The following EPHB2 variants were observed in gnomAD, a reference collection of about 807,000 sequenced individuals.
EPHB2 encodes the protein EPH receptor B2.
A neutral mutation model predicts 96.4 loss-of-function variants in EPHB2; 18 were observed. The ratio of observed to expected loss-of-function variants is 0.19; its 90% confidence interval spans 0.13 to 0.28. The LOEUF (loss-of-function observed/expected upper bound fraction) is 0.28. EPHB2 is among the 10% of genes least tolerant of loss of function. The pLI is 1.00. For synonymous variants in EPHB2, 506 were observed against 534.1 expected (o/e 0.95, Z 0.72); for missense variants, 989 against 1,355.4 (o/e 0.73, Z 4.25).
At chr1:22,856,951 G>A (rs1362313689) in intron 3 of EPHB2, among the ~76,000 whole-genome samples, 1 of 152,200 alleles carries the variant, frequency 6.6e-6, no homozygotes, top group African/African-American at 2.4e-5. Context: ...CAACCAGGGA[G>A]ATAGACCTGC....
intron 3 of EPHB2, among the ~76,000 whole-genome samples, chr1:22,808,443 C>A (rs12045243): frequency 0.11 from 16,538 of 152,272 alleles, 1,670 homozygotes; most frequent in East Asian, 0.58. Flanking sequence ...CCTTCCCGGG[C>A]ACAGGGCAGA....
intron 5 of EPHB2, among the ~76,000 whole-genome samples, chr1:22,878,496 G>C (rs542154533): frequency 2.0e-5 from 3 of 152,112 alleles, no homozygotes; most frequent in African/African-American, 7.2e-5. Context: ...CCAGCACCCC[G>C]TATCATGTGG....
At chr1:22,812,108 C>T (rs908708315) in intron 3 of EPHB2, among the ~76,000 whole-genome samples, 5 of 152,220 alleles carry the variant, frequency 3.3e-5, no homozygotes, top group African/African-American at 1.2e-4. Context: ...CAGTTCACTT[C>T]TCTGAGCCCC....
intron 1 of EPHB2, among the ~76,000 whole-genome samples, chr1:22,753,615 G>A (rs1049912045): frequency 2.6e-5 from 4 of 152,132 alleles, no homozygotes; most frequent in African/African-American, 7.2e-5. Context: ...CGTGGAGTGC[G>A]GAGTGGGAGG....
chr1:22,814,093 C>T (rs1327190080), intron 3 of EPHB2, among the ~76,000 whole-genome samples: 2 of 152,012 alleles, frequency 1.3e-5, no homozygotes, highest in African/African-American at 2.4e-5. Context: ...ACTCTTGAAC[C>T]TGGGAGGCAG....
rs542332203 is a variant in EPHB2, at chr1:22,856,368, C to A, written c.812-6669C>A. Among the ~76,000 whole-genome samples, 196 of 152,328 alleles carry A rather than the reference C, an allele frequency of 1.3e-3. 3 individuals are homozygous for A. In the South Asian group the frequency reaches 0.028, roughly 22 times the overall value. ...CTCCCTCCTTTCTTCGGCTTGCTGC[C>A]ATCCTGCCCTGGGTTGCCTGGCCAA... On this transcript the variant is annotated intron_variant, in intron 3 of 15. Transcript: ENST00000374630.
Position 22,882,408 on chromosome 1 carries a change from C to T in EPHB2, c.1353C>T (p.Ser451=), listed in dbSNP as rs2148550899. The T allele has an allele frequency of 1.2e-6, 2 of 1,614,218 alleles. No individual in the cohort carries two copies. Among genetic ancestry groups the T allele is most frequent in the Non-Finnish European group, 1.7e-6 (2 of 1,180,034 alleles). The change falls in exon 6 of 16, where the codon AGC becomes AGT. Residue 451 remains serine, a synonymous_variant. Transcript: ENST00000374630. ...ATCAGGTGAGCCGCACCGTGGACAG[C>T]ATTACCCTGTCGTGGTCCCAGCCGG... The part of the protein sequence containing the change: ...IMHQVSRTVD[S]ITLSWSQPDQ...
At chr1:22,820,556 A>C (rs1282370384) in intron 3 of EPHB2, among the ~76,000 whole-genome samples, 1 of 151,668 alleles carries the variant, frequency 6.6e-6, no homozygotes, top group Non-Finnish European at 1.5e-5. Flanking sequence ...CCAACTACTC[A>C]GGAGGCTGAG....
chr1:22,729,525 C>G (rs1410243528), intron 1 of EPHB2, among the ~76,000 whole-genome samples: 1 of 152,206 alleles, frequency 6.6e-6, no homozygotes, highest in Non-Finnish European at 1.5e-5. Flanking sequence ...CCATCACCCA[C>G]CTCAGTCTAG....
chr1:22,806,871 G>C, intron 3 of EPHB2, among the ~76,000 whole-genome samples: 1 of 152,228 alleles, frequency 6.6e-6, no homozygotes, highest in East Asian at 1.9e-4. Context: ...ACAGCTGCGG[G>C]AGCTTTGTGG....
intron 3 of EPHB2, among the ~76,000 whole-genome samples, chr1:22,828,653 C>T (rs182427261): frequency 7.2e-5 from 11 of 152,230 alleles, no homozygotes; most frequent in Admixed American, 4.6e-4. Flanking sequence ...CTGTCACGGC[C>T]ACAGAAATGC....
At chr1:22,788,796 T>C (rs10917298) in intron 3 of EPHB2, among the ~76,000 whole-genome samples, 121,496 of 147,998 alleles carry the variant, frequency 0.82, 51,423 homozygotes, top group Non-Finnish European at 0.92. Flanking sequence ...ACTTTATCAC[T>C]CAGGCTGGAG....
At chr1:22,850,700 G>A (rs900776229) in intron 3 of EPHB2, among the ~76,000 whole-genome samples, 4 of 152,180 alleles carry the variant, frequency 2.6e-5, no homozygotes, top group Admixed American at 6.5e-5. Context: ...ATACTCGATC[G>A]GTCCCCATTT....
intron 3 of EPHB2, among the ~76,000 whole-genome samples, chr1:22,830,240 G>T (rs966323665): frequency 2.0e-5 from 3 of 152,222 alleles, no homozygotes; most frequent in African/African-American, 7.2e-5. Flanking sequence ...TGTCCCCAGA[G>T]GCTGGCATCA....
At chr1:22,793,380 T>C (rs1644722807) in intron 3 of EPHB2, among the ~76,000 whole-genome samples, 6 of 152,074 alleles carry the variant, frequency 3.9e-5, no homozygotes. Flanking sequence ...CTTGGGGTGC[T>C]TAGGAGGGAA....
intron 5 of EPHB2, among the ~76,000 whole-genome samples, chr1:22,876,481 T>C (rs2148542395): frequency 6.6e-6 from 1 of 152,070 alleles, no homozygotes; most frequent in East Asian, 1.9e-4. Flanking sequence ...CCTCTGGGGT[T>C]CACTGAGGGC....
At chr1:22,791,466 TCTTTC>T (rs1644690940) in intron 3 of EPHB2, among the ~76,000 whole-genome samples, 2 of 136,982 alleles carry the variant, frequency 1.5e-5, no homozygotes, top group African/African-American at 5.2e-5. Flanking sequence ...TTTCTTTCTT[TCTTTC>T]TTTTTTTTTT....
intron 5 of EPHB2, among the ~76,000 whole-genome samples, 186 bp from the exon 6 acceptor site, chr1:22,882,173 A>G (rs1048729553): frequency 1.3e-5 from 2 of 152,018 alleles, no homozygotes; most frequent in African/African-American, 4.8e-5. Context: ...CAGCAGCAGC[A>G]CCCATAGCCC....
At chr1:22,812,049 A>T (rs906312623) in intron 3 of EPHB2, among the ~76,000 whole-genome samples, 8 of 152,218 alleles carry the variant, frequency 5.3e-5, no homozygotes, top group Admixed American at 6.5e-5. Context: ...AAAAAACGAA[A>T]TAAAAACCCC....
Sources: allele counts gnomAD v4.1 joint callset (sites outside exome capture counted in the v4.1 genomes callset), GRCh38; gene constraint gnomAD v4.1.1; transcripts MANE v1.5; gene names NCBI Gene and HGNC (gene_info 2026-07-23, HGNC 2026-07-21).